TRIM13: variants seen among roughly 807,000 people sequenced by gnomAD.
The protein encoded by TRIM13 is E3 ubiquitin-protein ligase TRIM13.
In TRIM13, 15 loss-of-function variants were observed where a neutral mutation model predicts 27.1. The observed-to-expected ratio is 0.55, with a 90% CI of 0.37 to 0.85. The LOEUF is 0.85. Among genes scored for constraint, TRIM13 ranks in the 40% least tolerant of loss-of-function variants. The pLI, the probability that TRIM13 is intolerant of heterozygous loss-of-function variation, is 0.00. For missense variants in TRIM13, 402 were observed against 472.2 expected (o/e 0.85, Z 1.38); for synonymous variants, 193 against 171.5 (o/e 1.13, Z -0.98).
chr13:50,003,459 GTT>G (rs896810396), intron 1 of TRIM13, among the ~76,000 whole-genome samples: 4 of 152,132 alleles, frequency 2.6e-5, no homozygotes, highest in African/African-American at 4.8e-5. Context: ...TTACTAATAG[GTT>G]TTATAAGGAG....
At chr13:50,003,568 C>T (rs966128806) in intron 1 of TRIM13, among the ~76,000 whole-genome samples, 9 of 152,016 alleles carry the variant, frequency 5.9e-5, no homozygotes, top group African/African-American at 9.7e-5. Context: ...GGAAGAAGTC[C>T]AATACATATA....
At position 50,012,991 on chromosome 13, in the gene TRIM13, C is replaced by T; in HGVS notation, c.1051C>T (p.Leu351Phe). ...FDDLATWKGC[L>F]SNFSSYLTKT... ...TGACCTGGCAACTTGGAAAGGCTGT[C>T]TTTCAAACTTCAGTTCCTATCTGAC... Residue 351 changes from leucine to phenylalanine, a missense_variant, in exon 2 of 2, where the codon CTT becomes TTT. By Grantham distance (22) the Leu-to-Phe change is conservative. Coordinates refer to ENST00000378182, the MANE Select transcript of TRIM13 (RefSeq NM_213590.3). 1 of 1,613,842 alleles carries T rather than the reference C, an allele frequency of 6.2e-7. No individual in the cohort carries two copies. The highest frequency in any genetic ancestry group is 8.5e-7 in the Non-Finnish European group (1 of 1,179,894).
At chr13:50,003,574 A>T (rs1459385459) in intron 1 of TRIM13, among the ~76,000 whole-genome samples, 1 of 152,198 alleles carries the variant, frequency 6.6e-6, no homozygotes, top group Admixed American at 6.5e-5. Context: ...AGTCCAATAC[A>T]TATATATAAA....
intron 1 of TRIM13, among the ~76,000 whole-genome samples, chr13:50,002,659 T>C (rs930702402): frequency 6.6e-6 from 1 of 151,736 alleles, no homozygotes; most frequent in Non-Finnish European, 1.5e-5. Context: ...TTAATGGATC[T>C]CTCTTTTTTT....
At chr13:50,003,777 T>C (rs763085143) in intron 1 of TRIM13, among the ~76,000 whole-genome samples, 13 of 151,974 alleles carry the variant, frequency 8.6e-5, no homozygotes, top group Non-Finnish European at 1.8e-4. Flanking sequence ...AAACTCATAG[T>C]GGTGGTATGC....
In TRIM13 at chr13:50,014,360, T is replaced by TATATATATCTACACACACAC; in HGVS notation, c.*1197_*1198insTATATATCTACACACACACA. 1.7e-5 allele frequency: 1 copy of TATATATATCTACACACACAC among 58,564 alleles called. No homozygotes were observed. Among genetic ancestry groups the TATATATATCTACACACACAC allele is most frequent in the Non-Finnish European group, 3.1e-5 (1 of 32,106 alleles). 3.6% of individuals were successfully genotyped at this position (58,564 alleles called of 1,614,324 possible). A position where few individuals can be genotyped will look rare whatever the true frequency, so the allele number is the denominator to read the frequency against. On this transcript the variant is annotated 3_prime_UTR_variant, in exon 2 of 2. Transcript: ENST00000378182. Reference sequence around the variant, plus strand: ...AAAAAAAAAAATATATATATATATATACACACACACACACACATATGTACA... The same window carrying TATATATATCTACACACACAC: ...AAAAAAAAAAATATATATATATATATATATATATCTACACACACACACACACACACACACACATATGTACA...
intron 1 of TRIM13, among the ~76,000 whole-genome samples, chr13:50,003,732 C>G (rs7990502): frequency 0.18 from 26,651 of 152,072 alleles, 2,663 homozygotes; most frequent in African/African-American, 0.26. Flanking sequence ...AATCCTTCTT[C>G]TTTGTGGATA....
chr13:50,014,330 A>AT lies in TRIM13; in HGVS notation c.*1166_*1167insT, dbSNP rs1876052049. The AT allele has an allele frequency of 1.6e-5, 1 of 61,454 alleles. No individual in the cohort carries two copies. The highest frequency in any genetic ancestry group is 6.0e-5 in the African/African-American group (1 of 16,582). 3.8% of individuals were successfully genotyped at this position (61,454 alleles called of 1,614,324 possible). On this transcript the variant is annotated 3_prime_UTR_variant, in exon 2 of 2. Coordinates refer to ENST00000378182, the MANE Select transcript of TRIM13 (RefSeq NM_213590.3). The stretch of plus-strand genomic sequence containing the variant: ...GTCTCTACCAAAAAAAAAAAAAAAA[A>AT]AAAAAAAAAAAAAAATATATATATA...
At chr13:50,009,963 A>C (rs1192349646) in intron 1 of TRIM13, among the ~76,000 whole-genome samples, 1 of 151,838 alleles carries the variant, frequency 6.6e-6, no homozygotes, top group East Asian at 1.9e-4. Flanking sequence ...GGAAATACAC[A>C]AAAATCTAGG....
intron 1 of TRIM13, among the ~76,000 whole-genome samples, chr13:50,008,899 C>G (rs185888426): frequency 6.7e-6 from 1 of 149,948 alleles, no homozygotes; most frequent in East Asian, 2.0e-4. Context: ...TGTGATGGTG[C>G]GTGCCTGTAG....
rs774594363 is a variant in TRIM13, at chr13:50,013,827, C to G, written c.*663C>G. 1 of 166,682 alleles carries G rather than the reference C, an allele frequency of 6.0e-6. No individual in the cohort carries two copies. The highest frequency in any genetic ancestry group is 1.5e-5 in the Non-Finnish European group (1 of 68,096). 10.3% of individuals were successfully genotyped at this position (166,682 alleles called of 1,614,324 possible). Reference sequence around the variant, plus strand: ...TGCTGGGATTACAGGTGTGAGCCACCGTGCCCAGCCAAAGACTGCTCTTAA... The same window carrying G: ...TGCTGGGATTACAGGTGTGAGCCACGGTGCCCAGCCAAAGACTGCTCTTAA... On this transcript the variant is annotated 3_prime_UTR_variant, in exon 2 of 2. Transcript: ENST00000378182.
At position 50,009,001 on chromosome 13, in the gene TRIM13, C is replaced by T. The variant is rs1875187717; in HGVS notation, c.-6-2934C>T. Reference sequence around the variant, plus strand: ...TGAGATTGCACTGCTGTACTCCAGCCTGGGTGAAAAAGCTGTCTCAAAAAA... The same window carrying T: ...TGAGATTGCACTGCTGTACTCCAGCTTGGGTGAAAAAGCTGTCTCAAAAAA... On this transcript the variant is annotated intron_variant, in intron 1 of 1. Coordinates refer to ENST00000378182, the MANE Select transcript of TRIM13 (RefSeq NM_213590.3). Among the ~76,000 whole-genome samples, 3 of 125,334 alleles carry T rather than the reference C, an allele frequency of 2.4e-5. No individual in the cohort carries two copies. In the South Asian group the frequency reaches 7.5e-4, roughly 31 times the overall value. The allele number at this position is 125,334 out of a possible 152,430, so 82.2% of individuals were successfully genotyped here.
At position 50,013,387 on chromosome 13, in the gene TRIM13, C is replaced by A; in HGVS notation, c.*223C>A. 1 of 401,994 alleles carries A rather than the reference C, an allele frequency of 2.5e-6. No homozygotes were observed. The allele number at this position is 401,994 out of a possible 1,614,324, so 24.9% of individuals were successfully genotyped here. ...TTTAAAAGAGTGCTTTTGAAATAAGCATCCACCCCAAATGTTGGTTGTATT... is the reference window on the plus strand; with the variant it reads ...TTTAAAAGAGTGCTTTTGAAATAAGAATCCACCCCAAATGTTGGTTGTATT... On this transcript the variant is annotated 3_prime_UTR_variant, in exon 2 of 2. Coordinates refer to ENST00000378182, the MANE Select transcript of TRIM13 (RefSeq NM_213590.3).
At position 50,013,633 on chromosome 13, in the gene TRIM13, C is replaced by G. The variant is rs934880735; in HGVS notation, c.*469C>G. On this transcript the variant is annotated 3_prime_UTR_variant, in exon 2 of 2. Coordinates refer to ENST00000378182, the MANE Select transcript of TRIM13 (RefSeq NM_213590.3). ...TACCTCCCAGGTTCAAGTGATTATCCTGCCTTAGCCTCCTGAGTAGCTGGG... is the reference window on the plus strand; with the variant it reads ...TACCTCCCAGGTTCAAGTGATTATCGTGCCTTAGCCTCCTGAGTAGCTGGG... 4 of 162,166 alleles carry G rather than the reference C, an allele frequency of 2.5e-5. No individual in the cohort carries two copies. The highest frequency in any genetic ancestry group is 9.8e-5 in the African/African-American group (4 of 40,624). The allele number at this position is 162,166 out of a possible 1,614,324, so 10.0% of individuals were successfully genotyped here.
rs1876529604 is a variant in TRIM13, at chr13:50,016,131, CTT to C, written c.*2968_*2969del. 2.4e-6 allele frequency: 3 copies of C among 1,258,362 alleles called. No homozygotes were observed. In the Admixed American group the frequency reaches 6.2e-5, roughly 26 times the overall value. The allele number at this position is 1,258,362 out of a possible 1,614,324, so 77.9% of individuals were successfully genotyped here. On this transcript the variant is annotated 3_prime_UTR_variant, in exon 2 of 2. Transcript: ENST00000378182. ...CAGTTTGTGATGTTTTCTCTAAAAACTTGAAGTTCCTCAGGCCTGTAACTTCT... is the reference window on the plus strand; with the variant it reads ...CAGTTTGTGATGTTTTCTCTAAAAACGAAGTTCCTCAGGCCTGTAACTTCT...
At chr13:49,998,631 A>G (rs1566429822) in intron 1 of TRIM13, among the ~76,000 whole-genome samples, 1 of 152,154 alleles carries the variant, frequency 6.6e-6, no homozygotes, top group Non-Finnish European at 1.5e-5. Flanking sequence ...GAAAGGGTAA[A>G]AGAGTTCTCG....
intron 1 of TRIM13, among the ~76,000 whole-genome samples, chr13:50,011,530 C>A (rs1594582623): frequency 6.6e-6 from 1 of 152,028 alleles, no homozygotes; most frequent in East Asian, 1.9e-4. Flanking sequence ...TATAACATAC[C>A]ATTTCATATT....
chr13:50,015,532 G>A lies in TRIM13; in HGVS notation c.*2368G>A, dbSNP rs1473130592. The A allele has an allele frequency of 6.2e-7, 1 of 1,613,868 alleles. No homozygotes were observed. Among genetic ancestry groups the A allele is most frequent in the South Asian group, 1.1e-5 (1 of 91,040 alleles). ...AACTGGTCACTTTGAATGTGGGAGG[G>A]AAGATATTCACGACAAGGTTTTCTA... On this transcript the variant is annotated 3_prime_UTR_variant, in exon 2 of 2. Coordinates refer to ENST00000378182, the MANE Select transcript of TRIM13 (RefSeq NM_213590.3).
chr13:50,014,684 TAACA>T lies in TRIM13; in HGVS notation c.*1523_*1526del, dbSNP rs891756016. ...ATAAACACCTTGCTTAGAATTCATA[TAACA>T]AAGAAGTAACCTTATAACTGCTCTC... is the stretch of plus-strand genomic sequence containing the variant. On this transcript the variant is annotated 3_prime_UTR_variant, in exon 2 of 2. Transcript: ENST00000378182. 6.0e-6 allele frequency: 1 copy of T among 166,614 alleles called. No individual in the cohort carries two copies. The highest frequency in any genetic ancestry group is 2.4e-5 in the African/African-American group (1 of 41,144). The allele number at this position is 166,614 out of a possible 1,614,324, so 10.3% of individuals were successfully genotyped here. A position where few individuals can be genotyped will look rare whatever the true frequency, so the allele number is the denominator to read the frequency against.
Sources: allele counts gnomAD v4.1 joint callset (sites outside exome capture counted in the v4.1 genomes callset), GRCh38; gene constraint gnomAD v4.1.1; transcripts MANE v1.5; gene names NCBI Gene and HGNC (gene_info 2026-07-23, HGNC 2026-07-21).